CDNF: variants seen among roughly 807,000 people sequenced by gnomAD.
CDNF encodes the protein cerebral dopamine neurotrophic factor.
Under a neutral mutation model 14.8 loss-of-function variants are expected in CDNF, and 9 were observed. That is an observed-to-expected ratio of 0.61 (90% CI 0.37 to 1.06). CDNF has a LOEUF of 1.06. Among genes scored for constraint, CDNF ranks in the 50% least tolerant of loss-of-function variants. The pLI is 0.01. For synonymous variants in CDNF, 86 were observed against 87.2 expected (o/e 0.99, Z 0.07); for missense variants, 228 against 228.4 (o/e 1.00, Z 0.01).
chr10:14,821,838 G>A (rs1367856954), intron 3 of CDNF, among the ~76,000 whole-genome samples: 2 of 152,110 alleles, frequency 1.3e-5, no homozygotes, highest in Non-Finnish European at 2.9e-5. Context: ...AAAGGCAATC[G>A]GTTCCTTTGG....
At chr10:14,826,100 GCA>G (rs1564313469) in intron 2 of CDNF, among the ~76,000 whole-genome samples, 21 of 119,832 alleles carry the variant, frequency 1.8e-4, no homozygotes, top group African/African-American at 7.1e-4. Flanking sequence ...AGAAGAAGCA[GCA>G]GCAGCAGCAG....
At chr10:14,832,692 T>C (rs543934732) in intron 1 of CDNF, among the ~76,000 whole-genome samples, 1 of 152,120 alleles carries the variant, frequency 6.6e-6, no homozygotes, top group African/African-American at 2.4e-5. Flanking sequence ...ATAAGCCAGA[T>C]GTAATGTGTC....
At chr10:14,820,860 T>A (rs774431114) in intron 3 of CDNF, among the ~76,000 whole-genome samples, 2 of 152,144 alleles carry the variant, frequency 1.3e-5, no homozygotes, top group Non-Finnish European at 2.9e-5. Context: ...TGGAAGGTGA[T>A]TGGATCATGG....
Position 14,837,822 on chromosome 10 carries a change from C to T in CDNF, c.115+10G>A, listed in dbSNP as rs1271219113. On this transcript the variant is annotated intron_variant, in intron 1 of 3. Transcript: ENST00000465530. ...GCCGCCGCCATGCAAGCAGTTGTCACACCGCTCACCTTCACAGTCGGCCCC... is the reference window on the plus strand; with the variant it reads ...GCCGCCGCCATGCAAGCAGTTGTCATACCGCTCACCTTCACAGTCGGCCCC... The T allele has an allele frequency of 7.8e-6, 12 of 1,546,804 alleles. No homozygotes were observed. The highest frequency in any genetic ancestry group is 1.1e-5 in the Non-Finnish European group (12 of 1,139,100).
chr10:14,825,646 T>G, intron 2 of CDNF, 26 bp from the exon 3 acceptor site: 1 of 1,609,730 alleles, frequency 6.2e-7, no homozygotes, highest in Non-Finnish European at 8.5e-7. Context: ...GAGAATTGAG[T>G]GTTCCAGACA....
At chr10:14,831,793 C>T (rs1456298329) in intron 1 of CDNF, among the ~76,000 whole-genome samples, 1 of 152,136 alleles carries the variant, frequency 6.6e-6, no homozygotes, top group Non-Finnish European at 1.5e-5. Context: ...CCAGGACGGT[C>T]TCGATCTCCT....
At chr10:14,836,434 C>A (rs1453409417) in intron 1 of CDNF, 1 of 152,186 alleles carries the variant, frequency 6.6e-6, no homozygotes, top group Non-Finnish European at 1.5e-5. Context: ...TAAGTGGGAG[C>A]CCCAGATGAG....
In CDNF at chr10:14,826,023, A is replaced by AAGC. The variant is rs1564313238; in HGVS notation, c.244-404_244-403insGCT. Among the ~76,000 whole-genome samples the AAGC allele has an allele frequency of 8.6e-5, 10 of 115,982 alleles. 1 individual carries two copies. The East Asian group carries it at 2.3e-3, about 27-fold the overall frequency. 76.1% of individuals were successfully genotyped at this position (115,982 alleles called of 152,430 possible). A position where few individuals can be genotyped will look rare whatever the true frequency, so the allele number is the denominator to read the frequency against. On this transcript the variant is annotated intron_variant, in intron 2 of 3. Transcript: ENST00000465530. ...GCAGAAGAAGCAGAAGCAGAAGAAG[A>AAGC]AGAAGGAGAAGAAGAAGAAGAAGAA...
chr10:14,825,467 G>C lies in CDNF; in HGVS notation c.385+12C>G. The stretch of plus-strand genomic sequence containing the variant: ...TTGGACCTACTGGGAAAAACACGGG[G>C]CTGTGTTATACCATATTTCAGCTCA... On this transcript the variant is annotated intron_variant, in intron 3 of 3. Transcript: ENST00000465530. 1 of 1,611,828 alleles carries C rather than the reference G, an allele frequency of 6.2e-7. No homozygotes were observed. The highest frequency in any genetic ancestry group is 1.1e-5 in the South Asian group (1 of 90,842).
At chr10:14,825,670 G>T (rs759480705) in intron 2 of CDNF, 50 bp from the exon 3 acceptor site, 2 of 1,577,012 alleles carry the variant, frequency 1.3e-6, no homozygotes, top group East Asian at 2.2e-5. Flanking sequence ...AAGACATTCA[G>T]TATCATTCCA....
intron 1 of CDNF, 149 bp from the exon 2 acceptor site, chr10:14,828,421 G>T (rs1833817254): frequency 1.5e-6 from 1 of 673,292 alleles, no homozygotes; most frequent in Non-Finnish European, 2.5e-6. Context: ...GGCTGAGGTG[G>T]GCAGATCACA....
chr10:14,820,087 T>C lies in CDNF; in HGVS notation c.457A>G (p.Ser153Gly), dbSNP rs1833725285. ...CAGGCCCTGCACTCCTCCCCCCAGCTATGCAGGATCTGCTTCAGCTCTGCC... is the reference window on the plus strand; with the variant it reads ...CAGGCCCTGCACTCCTCCCCCCAGCCATGCAGGATCTGCTTCAGCTCTGCC... The part of the protein sequence containing the change: ...RVAELKQILH[S>G]WGEECRACAE... Residue 153 changes from serine to glycine, a missense_variant, in exon 4 of 4, where the codon AGC (serine) becomes GGC (glycine). Transcript: ENST00000465530. 1 of 1,614,172 alleles carries C rather than the reference T, an allele frequency of 6.2e-7. No homozygotes were observed. The highest frequency in any genetic ancestry group is 2.2e-5 in the East Asian group (1 of 44,882).
intron 2 of CDNF, 57 bp from the exon 3 acceptor site, chr10:14,825,677 T>G: frequency 1.3e-6 from 2 of 1,559,270 alleles, no homozygotes; most frequent in Non-Finnish European, 1.8e-6. Context: ...TCAGTATCAT[T>G]CCAGTAATGA....
At chr10:14,828,107 A>G (rs1833813752) in intron 2 of CDNF, 38 bp downstream of exon 2, 3 of 1,608,468 alleles carry the variant, frequency 1.9e-6, no homozygotes, top group Non-Finnish European at 1.7e-6. Flanking sequence ...AGTATTCTTC[A>G]AGCACATGGG....
chr10:14,830,010 C>G, intron 1 of CDNF, among the ~76,000 whole-genome samples: 1 of 152,228 alleles, frequency 6.6e-6, no homozygotes, highest in Middle Eastern at 3.4e-3. Flanking sequence ...TTGCGCCACA[C>G]GATACTCATA....
At chr10:14,831,868 C>T (rs2131627381) in intron 1 of CDNF, among the ~76,000 whole-genome samples, 1 of 152,300 alleles carries the variant, frequency 6.6e-6, no homozygotes, top group Middle Eastern at 3.4e-3. Flanking sequence ...GCCACCGTGC[C>T]TAGCCCATAT....
rs1399525277 is a variant in CDNF, at chr10:14,824,420, AC to A, written c.385+1058del. On this transcript the variant is annotated intron_variant, in intron 3 of 3. Transcript: ENST00000465530. ...CAGGAGTTCAAGACCAGCCTGGCCAACATGGTGAAACCTCGTCTCTAATAAA... is the reference window on the plus strand; with the variant it reads ...CAGGAGTTCAAGACCAGCCTGGCCAAATGGTGAAACCTCGTCTCTAATAAA... Among the ~76,000 whole-genome samples the A allele has an allele frequency of 2.0e-5, 3 of 152,246 alleles. No homozygotes were observed. The East Asian group carries it at 5.8e-4, about 29-fold the overall frequency.
chr10:14,825,924 C>T (rs1217680901), intron 2 of CDNF, among the ~76,000 whole-genome samples: 1 of 150,608 alleles, frequency 6.6e-6, no homozygotes, highest in African/African-American at 2.4e-5. Context: ...GCACTCCAGC[C>T]TGGGTGACAG....
intron 2 of CDNF, among the ~76,000 whole-genome samples, chr10:14,827,052 C>CAAAAA (rs34308438): frequency 4.6e-4 from 34 of 74,288 alleles, no homozygotes; most frequent in African/African-American, 8.4e-4. Context: ...CCCGTCTCTA[C>CAAAAA]AAAAAAAAAA....
Sources: allele counts gnomAD v4.1 joint callset (sites outside exome capture counted in the v4.1 genomes callset), GRCh38; gene constraint gnomAD v4.1.1; transcripts MANE v1.5; gene names NCBI Gene and HGNC (gene_info 2026-07-23, HGNC 2026-07-21).